The following PRKX variants were observed in gnomAD, a reference collection of about 807,000 sequenced individuals.
PRKX encodes protein kinase cAMP-dependent X-linked catalytic subunit.
A neutral mutation model predicts 22.0 loss-of-function variants in PRKX; 12 were observed. That is an observed-to-expected ratio of 0.54 (90% CI 0.35 to 0.88). The LOEUF is 0.88. Ranked by LOEUF, PRKX falls within the 40% of genes least tolerant of loss-of-function variation. PRKX has a pLI of 0.01. For synonymous variants in PRKX, 134 were observed against 137.7 expected (o/e 0.97, Z 0.19); for missense variants, 217 against 308.0 (o/e 0.70, Z 2.21).
Position 3,612,295 on chromosome X carries a change from C to T in PRKX, c.982G>A (p.Gly328Ser), listed in dbSNP as rs45588733. 4 of 1,210,591 alleles carry T rather than the reference C, an allele frequency of 3.3e-6. No homozygotes were observed. The highest frequency in any genetic ancestry group is 5.9e-5 in the East Asian group (2 of 33,780). Residue 328 changes from glycine (G) to serine (S), a missense_variant, in exon 8 of 9, where the codon GGC (glycine) becomes AGC (serine). Coordinates refer to ENST00000262848, the MANE Select transcript of PRKX (RefSeq NM_005044.5). ...PPIVPKIAGD[G>S]DTSNFETYPE... is the part of the protein sequence containing the mutation. ...TAAGTTTCGAAGTTGGAAGTGTCGC[C>T]GTCACCAGCTATCTTGGGCACGATG... is the stretch of plus-strand genomic sequence containing the variant.
intron 3 of PRKX, among the ~76,000 whole-genome samples, chrX:3,653,759 GATAT>G (rs1303851693): frequency 1.6e-5 from 1 of 60,942 alleles, no homozygotes; most frequent in African/African-American, 6.3e-5. Flanking sequence ...TATACTATGT[GATAT>G]ATATAATATA....
intron 3 of PRKX, among the ~76,000 whole-genome samples, chrX:3,653,971 G>A (rs1476632025): frequency 3.0e-5 from 2 of 67,685 alleles, no homozygotes; most frequent in East Asian, 8.2e-4. Context: ...TATACTATGT[G>A]ATATATATAT....
At chrX:3,695,915 C>T (rs945996927) in intron 1 of PRKX, among the ~76,000 whole-genome samples, 10 of 111,606 alleles carry the variant, frequency 9.0e-5, no homozygotes, top group Admixed American at 3.8e-4. Flanking sequence ...GCCACCACCC[C>T]GCTGTCTTCT....
At chrX:3,624,572 C>A (rs895701679) in intron 5 of PRKX, among the ~76,000 whole-genome samples, 3 of 110,514 alleles carry the variant, frequency 2.7e-5, no homozygotes, top group African/African-American at 9.8e-5. Flanking sequence ...TTCCACAGAA[C>A]ATTGGAAACC....
In PRKX at chrX:3,619,607, G is replaced by A. The variant is rs149395185; in HGVS notation, c.873+1652C>T. 5.1e-3 allele frequency among the ~76,000 whole-genome samples: 563 copies of A among 110,121 alleles called. 2 individuals carry two copies. The highest frequency in any genetic ancestry group is 8.1e-3 in the Non-Finnish European group (427 of 52,576). On this transcript the variant is annotated intron_variant, in intron 6 of 8. Transcript: ENST00000262848. ...AGAAAGACAGAGACTGGAGTGATGC[G>A]GCCATAAGCCCAGGGATGCCCGGAG... is the stretch of plus-strand genomic sequence containing the variant.
At position 3,654,991 on chromosome X, in the gene PRKX, G is replaced by C. The variant is rs762481553; in HGVS notation, c.599+158C>G. Among the ~76,000 whole-genome samples, 8 of 110,928 alleles carry C rather than the reference G, an allele frequency of 7.2e-5. No homozygotes were observed. In the East Asian group the frequency reaches 1.7e-3, roughly 24 times the overall value. ...TCGCAGCCCACCTAAAACGAGCTGTGGGTCAACCTGGCTCTCTCATCCCTG... is the reference window on the plus strand; with the variant it reads ...TCGCAGCCCACCTAAAACGAGCTGTCGGTCAACCTGGCTCTCTCATCCCTG... On this transcript the variant is annotated intron_variant, in intron 3 of 8. Transcript: ENST00000262848.
chrX:3,639,981 C>T (rs1276490445), intron 4 of PRKX, among the ~76,000 whole-genome samples: 3 of 111,468 alleles, frequency 2.7e-5, no homozygotes, highest in South Asian at 3.7e-4. Context: ...GGCTTAGACA[C>T]GCCTTCCAGG....
chrX:3,701,193 C>A, intron 1 of PRKX, among the ~76,000 whole-genome samples: 1 of 110,986 alleles, frequency 9.0e-6, no homozygotes, highest in Non-Finnish European at 1.9e-5. Context: ...ACTGCAGCCT[C>A]CAACTCCTGG....
At chrX:3,702,742 A>G in intron 1 of PRKX, among the ~76,000 whole-genome samples, 1 of 99,197 alleles carries the variant, frequency 1.0e-5, no homozygotes, top group East Asian at 3.2e-4. Context: ...CACACAAGCT[A>G]GAGTGCAGTA....
chrX:3,686,407 T>A (rs1203376064), intron 1 of PRKX, among the ~76,000 whole-genome samples: 1 of 109,010 alleles, frequency 9.2e-6, no homozygotes, highest in Non-Finnish European at 1.9e-5. Context: ...CTGATGATTT[T>A]TTTTTTTTTT....
At chrX:3,683,270 C>A (rs1198275203) in intron 1 of PRKX, among the ~76,000 whole-genome samples, 1 of 111,912 alleles carries the variant, frequency 8.9e-6, no homozygotes, top group South Asian at 3.7e-4. Flanking sequence ...CCTAGCAATG[C>A]TGCGAGCTCA....
At chrX:3,700,070 T>C (rs901190180) in intron 1 of PRKX, among the ~76,000 whole-genome samples, 2 of 111,663 alleles carry the variant, frequency 1.8e-5, no homozygotes, top group African/African-American at 6.5e-5. Flanking sequence ...TCACAAGCTA[T>C]GAACACATCA....
intron 2 of PRKX, among the ~76,000 whole-genome samples, chrX:3,672,932 T>C (rs1927876342): frequency 9.0e-6 from 1 of 111,101 alleles, no homozygotes; most frequent in South Asian, 3.8e-4. Flanking sequence ...GAGGCTGCAG[T>C]GGGCCATGAT....
intron 4 of PRKX, among the ~76,000 whole-genome samples, chrX:3,630,347 C>G (rs1204025742): frequency 1.8e-5 from 2 of 110,473 alleles, no homozygotes; most frequent in South Asian, 7.6e-4. Context: ...ATCACGAGGT[C>G]AAGGAGATCG....
At chrX:3,660,106 C>G (rs1927565287) in intron 2 of PRKX, among the ~76,000 whole-genome samples, 3 of 112,142 alleles carry the variant, frequency 2.7e-5, no homozygotes, top group African/African-American at 3.2e-5. Context: ...AAATGCATGA[C>G]AGTCAAACTG....
chrX:3,688,228 C>T (rs763333160), intron 1 of PRKX, among the ~76,000 whole-genome samples: 8,059 of 100,098 alleles, frequency 0.081, 608 homozygotes, highest in East Asian at 0.25. Flanking sequence ...GGTGGATGAT[C>T]TGAGGCCAAG....
intron 1 of PRKX, among the ~76,000 whole-genome samples, chrX:3,680,472 GGAA>G (rs1928049976): frequency 9.0e-6 from 1 of 110,714 alleles, no homozygotes; most frequent in African/African-American, 3.3e-5. Context: ...TGGAGGGATG[GGAA>G]GAAGGAGAAA....
chrX:3,709,183 CAA>C (rs35004174), intron 1 of PRKX, among the ~76,000 whole-genome samples: 7 of 47,598 alleles, frequency 1.5e-4, no homozygotes, highest in Non-Finnish European at 2.3e-4. Context: ...GACCCTGTCT[CAA>C]AAAAAAAAAA....
chrX:3,706,732 C>A (rs773762072), intron 1 of PRKX, among the ~76,000 whole-genome samples: 5 of 112,503 alleles, frequency 4.4e-5, no homozygotes, highest in Non-Finnish European at 9.4e-5. Flanking sequence ...GTCGTCCAAT[C>A]CCAATGTGCA....
Sources: allele counts gnomAD v4.1 joint callset (sites outside exome capture counted in the v4.1 genomes callset), GRCh38; gene constraint gnomAD v4.1.1; transcripts MANE v1.5; gene names NCBI Gene and HGNC (gene_info 2026-07-23, HGNC 2026-07-21).